VPS13D: variants seen among roughly 807,000 people sequenced by gnomAD.
VPS13D encodes the protein intermembrane lipid transfer protein VPS13D.
Under a neutral mutation model 461.9 loss-of-function variants are expected in VPS13D, and 187 were observed. The ratio of observed to expected loss-of-function variants is 0.40; its 90% CI spans 0.36 to 0.46. The LOEUF is 0.46. VPS13D is among the 20% of genes least tolerant of loss of function. VPS13D has a pLI of 0.60. For missense variants in VPS13D, 4,711 were observed against 5,364.9 expected (o/e 0.88, Z 3.81); for synonymous variants, 1,951 against 1,986.3 (o/e 0.98, Z 0.47).
At chr1:12,239,486 C>T (rs1253405350) in intron 2 of VPS13D, among the ~76,000 whole-genome samples, 2 of 152,164 alleles carry the variant, frequency 1.3e-5, no homozygotes, top group Non-Finnish European at 2.9e-5. Context: ...GGGCAGGTCC[C>T]CACATTCGAG....
chr1:12,310,992 C>T (rs752318865), intron 27 of VPS13D, among the ~76,000 whole-genome samples: 11 of 151,756 alleles, frequency 7.2e-5, no homozygotes, highest in Non-Finnish European at 1.6e-4. Context: ...TCACAGCTTA[C>T]TGCACCCTTG....
chr1:12,488,448 C>T (rs1484822488), intron 67 of VPS13D, among the ~76,000 whole-genome samples: 1 of 152,060 alleles, frequency 6.6e-6, no homozygotes, highest in Non-Finnish European at 1.5e-5. Context: ...TTGTCTTTTT[C>T]CAGTCTATGT....
At chr1:12,250,097 G>C (rs997693912) in intron 6 of VPS13D, among the ~76,000 whole-genome samples, 2 of 152,126 alleles carry the variant, frequency 1.3e-5, no homozygotes, top group East Asian at 1.9e-4. Context: ...TACATTTGCT[G>C]GTTTATAATA....
At position 12,501,000 on chromosome 1, in the gene VPS13D, G is replaced by A. The variant is rs556139408; in HGVS notation, c.12794+3369G>A. 5.9e-4 allele frequency among the ~76,000 whole-genome samples: 90 copies of A among 152,108 alleles called. 2 individuals are homozygous for A. The South Asian group carries it at 0.018, about 31-fold the overall frequency. On this transcript the variant is annotated intron_variant, in intron 68 of 69. Coordinates refer to ENST00000620676, the MANE Select transcript of VPS13D (RefSeq NM_015378.4). Reference sequence around the variant, plus strand: ...GCCTGGGAGGTCAAGGCTGCAGTGAGCTGAGATCACGCCACTGCACTCCAG... The same window carrying A: ...GCCTGGGAGGTCAAGGCTGCAGTGAACTGAGATCACGCCACTGCACTCCAG...
At chr1:12,491,610 G>A (rs964821735) in intron 67 of VPS13D, among the ~76,000 whole-genome samples, 1 of 152,080 alleles carries the variant, frequency 6.6e-6, no homozygotes, top group Non-Finnish European at 1.5e-5. Context: ...TGGGCCTCCG[G>A]TGTATATCAG....
chr1:12,263,243 CA>C (rs1322534417), intron 13 of VPS13D, among the ~76,000 whole-genome samples: 5 of 152,068 alleles, frequency 3.3e-5, no homozygotes, highest in Non-Finnish European at 5.9e-5. Flanking sequence ...AAACCACAAA[CA>C]AAAAGCACAG....
intron 52 of VPS13D, chr1:12,367,779 T>C (rs1644058320): frequency 6.6e-6 from 1 of 152,018 alleles, no homozygotes. Context: ...GCTAATATTT[T>C]TGTATTTTTA....
At chr1:12,355,859 A>G in intron 47 of VPS13D, 40 bp from the exon 48 acceptor site, 1 of 1,472,932 alleles carries the variant, frequency 6.8e-7, no homozygotes, top group South Asian at 1.5e-5. Flanking sequence ...TTTGACAAAT[A>G]GTGAGAACTC....
chr1:12,233,563 A>T (rs974632330), intron 1 of VPS13D, among the ~76,000 whole-genome samples: 1 of 152,210 alleles, frequency 6.6e-6, no homozygotes, highest in Non-Finnish European at 1.5e-5. Context: ...ACGGCAGTCT[A>T]ATCCCAAGGT....
intron 58 of VPS13D, among the ~76,000 whole-genome samples, chr1:12,383,913 A>G (rs1644316682): frequency 6.6e-6 from 1 of 152,224 alleles, no homozygotes; most frequent in Non-Finnish European, 1.5e-5. Flanking sequence ...TCCTCAGCCC[A>G]AGTGGCACAC....
At chr1:12,231,853 T>C (rs748320376) in intron 1 of VPS13D, among the ~76,000 whole-genome samples, 2 of 152,142 alleles carry the variant, frequency 1.3e-5, no homozygotes, top group Non-Finnish European at 2.9e-5. Flanking sequence ...CCGGGGATGG[T>C]GGCAGGTGCC....
At chr1:12,304,855 G>T in intron 26 of VPS13D, 127 bp downstream of exon 26, 1 of 948,032 alleles carries the variant, frequency 1.1e-6, no homozygotes, top group Non-Finnish European at 1.6e-6. Context: ...CTTTAACGAT[G>T]ATGAGATTCT....
Position 12,283,401 on chromosome 1 carries a change from A to G in VPS13D, c.5299A>G (p.Thr1767Ala), listed in dbSNP as rs778371980. Residue 1767 changes from threonine (T) to alanine (A), a missense_variant, in exon 21 of 70, where the codon ACA becomes GCA. Coordinates refer to ENST00000620676, the MANE Select transcript of VPS13D (RefSeq NM_015378.4). ...TCCCTTGACCCCACCTCCTTCTCCAACAGTGGATGAGCCCAAGATACTTGT... is the reference window on the plus strand; with the variant it reads ...TCCCTTGACCCCACCTCCTTCTCCAGCAGTGGATGAGCCCAAGATACTTGT... ...DYPLTPPPSP[T>A]VDEPKILVGK... 6.2e-7 allele frequency: 1 copy of G among 1,614,158 alleles called. No homozygotes were observed. Among genetic ancestry groups the G allele is most frequent in the Non-Finnish European group, 8.5e-7 (1 of 1,180,024 alleles).
rs954384036 is a variant in VPS13D, at chr1:12,283,852, A to G, written c.5634+116A>G. The G allele has an allele frequency of 2.0e-5, 22 of 1,108,134 alleles. No homozygotes were observed. The African/African-American group carries it at 3.0e-4, about 15-fold the overall frequency. The allele number at this position is 1,108,134 out of a possible 1,614,324, so 68.6% of individuals were successfully genotyped here. ...AATATCTCTTGTTGGCAGGGGAGCT[A>G]TCTAGTCTTCTAGGTGTTTGCTACG... On this transcript the variant is annotated intron_variant, in intron 21 of 69. Transcript: ENST00000620676.
intron 22 of VPS13D, among the ~76,000 whole-genome samples, chr1:12,290,737 AT>A (rs1310656308): frequency 3.3e-3 from 496 of 151,706 alleles, no homozygotes; most frequent in African/African-American, 0.012. Context: ...AAAAAAAAAA[AT>A]GTAATGTTGC....
intron 41 of VPS13D, among the ~76,000 whole-genome samples, chr1:12,342,214 A>G (rs1038095867): frequency 1.3e-5 from 2 of 152,178 alleles, no homozygotes; most frequent in African/African-American, 4.8e-5. Flanking sequence ...TTAAAGAGCT[A>G]TGTGTGGTTA....
At position 12,379,553 on chromosome 1, in the gene VPS13D, G is replaced by A. The variant is rs779405208; in HGVS notation, c.11147G>A (p.Arg3716Gln). ...AGCACAACTCAGACGTGGAGTTTCC[G>A]AGAAGGAAAACTGACCTGTGGGTTA... is the stretch of plus-strand genomic sequence containing the variant. ...RRSTTQTWSF[R>Q]EGKLTCGLHG... Residue 3716 changes from arginine (R) to glutamine (Q), a missense_variant, in exon 57 of 70, where the codon CGA (arginine) becomes CAA (glutamine). By Grantham distance (43) the Arg-to-Gln change is conservative (BLOSUM62 1). Coordinates refer to ENST00000620676, the MANE Select transcript of VPS13D (RefSeq NM_015378.4). 2.9e-5 allele frequency: 46 copies of A among 1,613,430 alleles called. 1 individual carries two copies. Among genetic ancestry groups the A allele is most frequent in the East Asian group, 1.3e-4 (6 of 44,842 alleles).
chr1:12,272,544 A>G (rs1302859390), intron 17 of VPS13D, among the ~76,000 whole-genome samples: 1 of 152,040 alleles, frequency 6.6e-6, no homozygotes, highest in Non-Finnish European at 1.5e-5. Flanking sequence ...GGTTGGAGGG[A>G]AGAACAATGA....
intron 1 of VPS13D, among the ~76,000 whole-genome samples, chr1:12,232,993 G>A (rs1640030172): frequency 1.3e-5 from 2 of 150,304 alleles, no homozygotes; most frequent in Admixed American, 1.3e-4. Flanking sequence ...ATTCAGGTTT[G>A]TTTCATGAGT....
Sources: gnomAD v4.1 joint callset for allele counts (sites outside exome capture counted in the v4.1 genomes callset) on GRCh38, gnomAD v4.1.1 for gene constraint, MANE v1.5 for transcripts, NCBI Gene and HGNC (gene_info 2026-07-23, HGNC 2026-07-21) for gene names.